Variants in ZNF34 observed in about 807,000 individuals in gnomAD.
ZNF34 encodes the protein zinc finger protein 34 (KOX 32).
A neutral mutation model predicts 14.4 loss-of-function variants in ZNF34; 8 were observed. The ratio of observed to expected loss-of-function variants is 0.55; its 90% CI spans 0.33 to 1.00. The LOEUF is 1.00. Among genes scored for constraint, ZNF34 ranks in the 50% least tolerant of loss-of-function variants. ZNF34 has a pLI of 0.03. For synonymous variants in ZNF34, 235 were observed against 247.9 expected (o/e 0.95, Z 0.49); for missense variants, 538 against 674.2 (o/e 0.80, Z 2.24).
At chr8:144,782,290 C>G (rs113710502) in intron 1 of ZNF34, among the ~76,000 whole-genome samples, 11,628 of 152,082 alleles carry the variant, frequency 0.076, 1,001 homozygotes, top group African/African-American at 0.21. Flanking sequence ...CCACTGCACT[C>G]CAGCCTGGCC....
intron 1 of ZNF34, among the ~76,000 whole-genome samples, chr8:144,784,792 T>C (rs200695990): frequency 6.7e-6 from 1 of 149,888 alleles, no homozygotes; most frequent in Non-Finnish European, 1.5e-5. Flanking sequence ...AAATAAACAA[T>C]AAAAGCCTAT....
At chr8:144,780,372 T>C (rs1263075067) in intron 1 of ZNF34, 92 bp from the exon 2 acceptor site, 3 of 977,886 alleles carry the variant, frequency 3.1e-6, no homozygotes, top group Non-Finnish European at 4.6e-6. Context: ...ATATCTTTTC[T>C]GTATCTTTAA....
rs1825254149 is a variant in ZNF34, at chr8:144,772,952, G to A, written c.*314C>T. 1.3e-5 allele frequency among the ~76,000 whole-genome samples: 2 copies of A among 152,176 alleles called. No homozygotes were observed. Among genetic ancestry groups the A allele is most frequent in the Admixed American group, 6.6e-5 (1 of 15,262 alleles). On this transcript the variant is annotated 3_prime_UTR_variant, in exon 6 of 6. Transcript: ENST00000429371. ...AAGTGAAGATCCTAGGTGCTGCAAT[G>A]ACAAGCATTACGGTATTTTCTTTTT...
intron 5 of ZNF34, among the ~76,000 whole-genome samples, chr8:144,775,982 A>T (rs1394690153): frequency 6.6e-6 from 1 of 152,196 alleles, no homozygotes; most frequent in Non-Finnish European, 1.5e-5. Flanking sequence ...AGAAATGGAA[A>T]CACATTCCGT....
chr8:144,786,471 T>C (rs968652872), intron 1 of ZNF34, among the ~76,000 whole-genome samples: 37 of 151,038 alleles, frequency 2.4e-4, no homozygotes, highest in African/African-American at 8.3e-4. Flanking sequence ...CCATCTCTAC[T>C]AAAAATACAA....
In ZNF34 at chr8:144,774,078, T is replaced by C. The variant is rs764662207; in HGVS notation, c.808A>G (p.Ser270Gly). ...CDECGKAFSQSCEFINHRRMH... is the reference protein window; with the variant it reads ...CDECGKAFSQGCEFINHRRMH... ...CTTCGGTGATTGATGAACTCGCAGC[T>C]CTGGCTGAAGGCTTTCCCACACTCA... Residue 270 changes from serine to glycine, a missense_variant, in exon 6 of 6, where the codon AGC (serine) becomes GGC (glycine). Physicochemically the swap from Ser to Gly is moderately conservative, Grantham distance 56 (BLOSUM62 0). This residue lies in a region of ZNF34 where 431 missense variants were observed against 525.7 expected (regional missense o/e 0.82). Coordinates refer to ENST00000429371, the MANE Select transcript of ZNF34 (RefSeq NM_001286769.2). 6.2e-7 allele frequency: 1 copy of C among 1,614,036 alleles called. No individual in the cohort carries two copies. Among genetic ancestry groups the C allele is most frequent in the Non-Finnish European group, 8.5e-7 (1 of 1,179,970 alleles).
chr8:144,777,434 TG>T lies in ZNF34; in HGVS notation c.280+23del. ...TAAAGGCTCGTTCGGTGACTTGAGT[TG>T]GGGAGCAGATCCCCTCACGCACCTG... is the stretch of plus-strand genomic sequence containing the variant. On this transcript the variant is annotated intron_variant, in intron 5 of 5. Transcript: ENST00000429371. The surrounding 1 kb of genome is among the most constrained non-coding windows in gnomAD (Gnocchi z 4.8). 1.3e-6 allele frequency: 2 copies of T among 1,550,360 alleles called. No homozygotes were observed.
rs1204420004 is a variant in ZNF34, at chr8:144,773,174, C to T, written c.*92G>A. ...ACGTCCTTTCACTCTGTGAAAACAT[C>T]GTGTGGATAATACATAAAGGGCAGA... On this transcript the variant is annotated 3_prime_UTR_variant, in exon 6 of 6. Transcript: ENST00000429371. This position sits in a 1 kb window ranked among gnomAD's most constrained non-coding sequence, Gnocchi z 5.4. The T allele has an allele frequency of 9.0e-6, 12 of 1,331,784 alleles. No individual in the cohort carries two copies. Among genetic ancestry groups the T allele is most frequent in the Middle Eastern group, 1.9e-4 (1 of 5,292 alleles). 82.5% of individuals were successfully genotyped at this position (1,331,784 alleles called of 1,614,324 possible). A position where few individuals can be genotyped will look rare whatever the true frequency, so the allele number is the denominator to read the frequency against.
chr8:144,781,079 G>A (rs1480856844), intron 1 of ZNF34, among the ~76,000 whole-genome samples: 1 of 150,626 alleles, frequency 6.6e-6, no homozygotes, highest in African/African-American at 2.4e-5. Context: ...AGCTTGCAGT[G>A]AGCTGAGATC....
intron 3 of ZNF34, 125 bp downstream of exon 3, chr8:144,778,314 T>G: frequency 7.3e-7 from 1 of 1,365,504 alleles, no homozygotes; most frequent in Non-Finnish European, 9.9e-7. Flanking sequence ...AAGGGGTGGC[T>G]GCATGGGGGT....
In ZNF34 at chr8:144,777,690, G is replaced by A. The variant is rs1825608495; in HGVS notation, c.161-113C>T. 7.7e-7 allele frequency: 1 copy of A among 1,299,036 alleles called. No homozygotes were observed. The highest frequency in any genetic ancestry group is 1.0e-6 in the Non-Finnish European group (1 of 952,398). The allele number at this position is 1,299,036 out of a possible 1,614,324, so 80.5% of individuals were successfully genotyped here. On this transcript the variant is annotated intron_variant, in intron 4 of 5. Coordinates refer to ENST00000429371, the MANE Select transcript of ZNF34 (RefSeq NM_001286769.2). This position sits in a 1 kb window ranked among gnomAD's most constrained non-coding sequence, Gnocchi z 4.8. ...GGCACAGGCAGAGGGGGTGATGGAA[G>A]CCTGGACACTCTCTGGAGGGCACTG...
At chr8:144,778,723 T>G (rs1343921462) in intron 2 of ZNF34, among the ~76,000 whole-genome samples, 198 bp from the exon 3 acceptor site, 1 of 151,788 alleles carries the variant, frequency 6.6e-6, no homozygotes, top group African/African-American at 2.4e-5. Flanking sequence ...CTCCACCTCT[T>G]TTTTTTCTTT....
In ZNF34 at chr8:144,779,883, G is replaced by A. The variant is rs945675201; in HGVS notation, c.-55+345C>T. Among the ~76,000 whole-genome samples, 4 of 152,014 alleles carry A rather than the reference G, an allele frequency of 2.6e-5. No individual in the cohort carries two copies. Among genetic ancestry groups the A allele is most frequent in the Non-Finnish European group, 5.9e-5 (4 of 68,006 alleles). On this transcript the variant is annotated intron_variant, in intron 2 of 5. Transcript: ENST00000429371. The surrounding 1 kb of genome is among the most constrained non-coding windows in gnomAD (Gnocchi z 4.1). ...AGACAAAATGTTAAGGGCTAAGGAA[G>A]AAAAAATTAAAAATGATAGAAGGGG...
chr8:144,777,982 C>T lies in ZNF34; in HGVS notation c.160+56G>A, dbSNP rs956607023. On this transcript the variant is annotated intron_variant, in intron 4 of 5. Coordinates refer to ENST00000429371, the MANE Select transcript of ZNF34 (RefSeq NM_001286769.2). This position sits in a 1 kb window ranked among gnomAD's most constrained non-coding sequence, Gnocchi z 4.8. ...GGTGAGGCCCCTAGCCCAGCCTCTG[C>T]TGAGCCCTTAGCCCCCAGGGCTGTT... 51 of 1,602,974 alleles carry T rather than the reference C, an allele frequency of 3.2e-5. No homozygotes were observed. Among genetic ancestry groups the T allele is most frequent in the Admixed American group, 1.0e-4 (6 of 57,498 alleles).
chr8:144,777,666 G>C lies in ZNF34; in HGVS notation c.161-89C>G. 6.8e-7 allele frequency: 1 copy of C among 1,464,686 alleles called. No individual in the cohort carries two copies. The highest frequency in any genetic ancestry group is 2.1e-5 in the Admixed American group (1 of 47,342). 90.7% of individuals were successfully genotyped at this position (1,464,686 alleles called of 1,614,324 possible). ...ACCCTGGGGCTGCAGGGTAAGGGAG[G>C]CACAGGCAGAGGGGGTGATGGAAGC... On this transcript the variant is annotated intron_variant, in intron 4 of 5. Transcript: ENST00000429371. This position sits in a 1 kb window ranked among gnomAD's most constrained non-coding sequence, Gnocchi z 4.8.
At chr8:144,783,560 C>T (rs1303628236) in intron 1 of ZNF34, among the ~76,000 whole-genome samples, 5 of 152,138 alleles carry the variant, frequency 3.3e-5, no homozygotes, top group African/African-American at 1.2e-4. Context: ...ATTAATACCA[C>T]TTCTATTTGT....
chr8:144,781,155 A>AAAT (rs1317429369), intron 1 of ZNF34, among the ~76,000 whole-genome samples: 3 of 151,244 alleles, frequency 2.0e-5, no homozygotes, highest in Non-Finnish European at 4.4e-5. Flanking sequence ...ATAAATAAAT[A>AAAT]AATAAATAAA....
intron 1 of ZNF34, chr8:144,785,157 A>G (rs1826149664): frequency 1.3e-5 from 2 of 152,052 alleles, no homozygotes; most frequent in Non-Finnish European, 2.9e-5. Context: ...AAGACACCAC[A>G]AAGATAAAAG....
At position 144,772,867 on chromosome 8, in the gene ZNF34, A is replaced by T. The variant is rs779504132; in HGVS notation, c.*399T>A. On this transcript the variant is annotated 3_prime_UTR_variant, in exon 6 of 6. Transcript: ENST00000429371. Reference sequence around the variant, plus strand: ...TGCTTTTAAATTTACAATATGTAAAAATGTTAAAATATATGGTGCTCTCTT... The same window carrying T: ...TGCTTTTAAATTTACAATATGTAAATATGTTAAAATATATGGTGCTCTCTT... Among the ~76,000 whole-genome samples the T allele has an allele frequency of 1.3e-5, 2 of 152,214 alleles. No homozygotes were observed. Among genetic ancestry groups the T allele is most frequent in the African/African-American group, 4.8e-5 (2 of 41,464 alleles).
Sources: gnomAD v4.1 joint callset for allele counts (sites outside exome capture counted in the v4.1 genomes callset) on GRCh38, gnomAD v4.1.1 for gene constraint, gnomAD v4.1.1 regional missense constraint, Gnocchi (gnomAD v3.1) non-coding constraint, MANE v1.5 for transcripts, NCBI Gene and HGNC (gene_info 2026-07-23, HGNC 2026-07-21) for gene names.